ANKRD45: variants seen among roughly 807,000 people sequenced by gnomAD.
The protein encoded by ANKRD45 is ankyrin repeat domain 45.
ANKRD45 carries 21 observed loss-of-function variants against 28.1 expected under a neutral mutation model. That is an observed-to-expected ratio of 0.75 (90% CI 0.53 to 1.08). The LOEUF (loss-of-function observed/expected upper bound fraction) is 1.08, where lower values mean the gene tolerates loss of function less well. Ranked by LOEUF, ANKRD45 falls within the 50% of genes least tolerant of loss-of-function variation. The probability of loss-of-function intolerance (pLI) is 0.00; values close to 1 mark genes in which losing one functional copy is unlikely to be tolerated. For missense variants in ANKRD45, 261 were observed against 308.7 expected, an observed-to-expected ratio of 0.85 and a Z score of 1.16; for synonymous variants, 86 against 103.9, an observed-to-expected ratio of 0.83 and a Z score of 1.05.
upstream of ANKRD45, among the ~76,000 whole-genome samples, chr1:173,673,819 A>G (rs1670334610): frequency 3.3e-5 from 5 of 152,146 alleles, no homozygotes; most frequent in South Asian, 1.0e-3. Flanking sequence ...ATTTCAAAAT[A>G]ATTTGCCTTG....
chr1:173,706,534 T>TCA, the ANKRD45 span, among the ~76,000 whole-genome samples: 1 of 151,812 alleles, frequency 6.6e-6, no homozygotes, highest in Admixed American at 6.6e-5. Flanking sequence ...AGACGGGGTT[T>TCA]CACCATATTG....
At chr1:173,646,757 A>G (rs1668949364) in intron 3 of ANKRD45, 89 bp downstream of exon 3, 3 of 1,326,216 alleles carry the variant, frequency 2.3e-6, no homozygotes, top group Non-Finnish European at 3.1e-6. Flanking sequence ...CAAACAAAAC[A>G]CTGTGAAAAA....
chr1:173,611,968 G>T (rs1214486147), intron 5 of ANKRD45, among the ~76,000 whole-genome samples: 1 of 152,206 alleles, frequency 6.6e-6, no homozygotes, highest in Admixed American at 6.5e-5. Context: ...GCAAGGACAG[G>T]TGTGGTGGCT....
At chr1:173,692,262 C>A in the ANKRD45 span, among the ~76,000 whole-genome samples, 1 of 152,114 alleles carries the variant, frequency 6.6e-6, no homozygotes, top group African/African-American at 2.4e-5. Flanking sequence ...GGTCAGAGCA[C>A]AGTTTGGTTT....
At chr1:173,639,004 A>G (rs1250402491) in intron 3 of ANKRD45, among the ~76,000 whole-genome samples, 5 of 152,232 alleles carry the variant, frequency 3.3e-5, no homozygotes, top group Non-Finnish European at 1.5e-5. Context: ...TAATTGATGG[A>G]GAAACTCTTG....
intron 5 of ANKRD45, among the ~76,000 whole-genome samples, chr1:173,613,521 G>A (rs1234979928): frequency 1.5e-4 from 22 of 143,182 alleles, no homozygotes; most frequent in African/African-American, 2.4e-4. Flanking sequence ...CTCAGCCCCC[G>A]CCCGGCCAGC....
chr1:173,617,538 G>A (rs183527839), intron 5 of ANKRD45, among the ~76,000 whole-genome samples: 2 of 152,340 alleles, frequency 1.3e-5, no homozygotes, highest in African/African-American at 4.8e-5. Flanking sequence ...TTCTTTAAAT[G>A]GGACCCCAAT....
the ANKRD45 span, among the ~76,000 whole-genome samples, chr1:173,703,341 C>T: frequency 2.0e-5 from 3 of 151,830 alleles, no homozygotes; most frequent in Non-Finnish European, 2.9e-5. Flanking sequence ...GTAGCTGGGA[C>T]TACAGGCGCC....
chr1:173,658,811 C>T (rs1669658365), intron 2 of ANKRD45: 1 of 263,450 alleles, frequency 3.8e-6, no homozygotes, highest in African/African-American at 2.2e-5. Context: ...TAATTATTAT[C>T]CCCATTTTGC....
At chr1:173,697,267 C>A in the ANKRD45 span, among the ~76,000 whole-genome samples, 14 of 152,296 alleles carry the variant, frequency 9.2e-5, no homozygotes, top group African/African-American at 2.6e-4. Flanking sequence ...GAGAACTTCA[C>A]CAACCTAGCA....
chr1:173,698,397 C>T, the ANKRD45 span, among the ~76,000 whole-genome samples: 3 of 152,094 alleles, frequency 2.0e-5, no homozygotes, highest in African/African-American at 4.8e-5. Flanking sequence ...TGTACTTATT[C>T]CAAAATTGAC....
chr1:173,690,187 C>T, the ANKRD45 span, among the ~76,000 whole-genome samples: 2 of 150,706 alleles, frequency 1.3e-5, no homozygotes, highest in African/African-American at 4.9e-5. Context: ...CTACCTCATG[C>T]TGGAGTCCTT....
chr1:173,681,888 A>G, the ANKRD45 span, among the ~76,000 whole-genome samples: 1 of 152,010 alleles, frequency 6.6e-6, no homozygotes, highest in Non-Finnish European at 1.5e-5. Flanking sequence ...CGTCTCTACT[A>G]AAAATACAAA....
the ANKRD45 span, among the ~76,000 whole-genome samples, chr1:173,684,431 T>C: frequency 2.0e-5 from 3 of 152,150 alleles, no homozygotes; most frequent in Admixed American, 1.3e-4. Flanking sequence ...AGTTAAGGGA[T>C]ATTTTAATTA....
the ANKRD45 span, among the ~76,000 whole-genome samples, chr1:173,689,069 A>G: frequency 2.6e-5 from 4 of 152,186 alleles, no homozygotes; most frequent in Admixed American, 1.3e-4. Flanking sequence ...GGGACTCAAT[A>G]TAAAAAAGAC....
chr1:173,618,041 C>A (rs1667541461), intron 5 of ANKRD45, among the ~76,000 whole-genome samples: 1 of 152,118 alleles, frequency 6.6e-6, no homozygotes. Context: ...CTGCAGCAGC[C>A]CTACAGAAAA....
In ANKRD45 at chr1:173,627,087, C is replaced by T. The variant is rs372141282; in HGVS notation, c.569G>A (p.Gly190Glu). The change falls in exon 4 of 6, where the codon GGG becomes GAG. Residue 190 changes from glycine (G) to glutamate (E), a missense_variant. Physicochemically the swap from Gly to Glu is moderately conservative, Grantham distance 98. Coordinates refer to ENST00000333279, the MANE Select transcript of ANKRD45 (RefSeq NM_198493.3). ...LAVTDTEKGS[G>E]KLLKEDKNTI... The stretch of plus-strand genomic sequence containing the variant: ...TACCTTGTCTTCCTTAAGGAGTTTC[C>T]CTGATCCCTTTTCTGTGTCAGTAAC... 9.3e-6 allele frequency: 15 copies of T among 1,611,248 alleles called. No individual in the cohort carries two copies. Among genetic ancestry groups the T allele is most frequent in the African/African-American group, 1.3e-5 (1 of 74,140 alleles).
intron 2 of ANKRD45, among the ~76,000 whole-genome samples, chr1:173,656,286 C>CT (rs1669507759): frequency 6.6e-6 from 1 of 152,306 alleles, no homozygotes; most frequent in South Asian, 2.1e-4. Flanking sequence ...TTCCTAGTTT[C>CT]TTTATCATTT....
chr1:173,632,528 C>CAAA (rs539157127), intron 3 of ANKRD45, among the ~76,000 whole-genome samples: 2 of 114,698 alleles, frequency 1.7e-5, no homozygotes, highest in African/African-American at 6.3e-5. Context: ...AAAGACACAT[C>CAAA]AAAAAAAAAA....
Sources: gnomAD v4.1 joint callset for allele counts (sites outside exome capture counted in the v4.1 genomes callset) on GRCh38, gnomAD v4.1.1 for gene constraint, MANE v1.5 for transcripts, NCBI Gene and HGNC (gene_info 2026-07-23, HGNC 2026-07-21) for gene names.